The following FANCA variants were observed in gnomAD, a reference collection of about 807,000 sequenced individuals.
FANCA encodes the protein Fanconi anemia group A protein.
In FANCA, 236 loss-of-function variants were observed where a neutral mutation model predicts 194.3. The observed-to-expected ratio is 1.21, with a 90% CI of 1.09 to 1.35. The LOEUF (loss-of-function observed/expected upper bound fraction) is 1.35, where lower values mean the gene tolerates loss of function less well. Among genes scored for constraint, FANCA ranks in the 40% most tolerant of loss-of-function variants. The pLI is 0.00. For synonymous variants in FANCA, 1,014 were observed against 715.8 expected (o/e 1.42, Z -6.65); for missense variants, 2,628 against 1,813.9 (o/e 1.45, Z -8.15).
At chr16:89,789,308 G>A (rs997668060) in intron 14 of FANCA, among the ~76,000 whole-genome samples, 2 of 103,866 alleles carry the variant, frequency 1.9e-5, no homozygotes, top group South Asian at 3.2e-4. Context: ...AGAAGGCCTG[G>A]GGGGGGAGCA....
intron 24 of FANCA, 69 bp from the exon 25 acceptor site, chr16:89,770,328 C>G (rs1170403625): frequency 1.8e-5 from 24 of 1,367,794 alleles, no homozygotes; most frequent in Non-Finnish European, 2.2e-5. Flanking sequence ...ACAGCTAATC[C>G]AACCACCAGC....
rs138144828 is a variant in FANCA at position 89,740,822 on chromosome 16, C to T, written c.3810G>A (p.Ser1270=). 1.1e-4 allele frequency: 171 copies of T among 1,613,334 alleles called. 1 individual carries two copies. The highest frequency in any genetic ancestry group is 4.9e-4 in the Middle Eastern group (3 of 6,084). ...GACTTACATTTGAGGTCAGATGTGACGACAGCAGGCCCATCAAGGAGAAGA... is the reference window on the plus strand; with the variant it reads ...GACTTACATTTGAGGTCAGATGTGATGACAGCAGGCCCATCAAGGAGAAGA... The part of the protein sequence containing the change: ...LFFFSLMGLL[S]SHLTSNSTTD... The change falls in exon 38 of 43, where the codon TCG becomes TCA. Residue 1270 remains serine, a synonymous_variant. Transcript: ENST00000389301.
At chr16:89,795,601 G>A (rs1357370345) in intron 11 of FANCA, among the ~76,000 whole-genome samples, 1 of 152,192 alleles carries the variant, frequency 6.6e-6, no homozygotes, top group Non-Finnish European at 1.5e-5. Context: ...TCACGCCACT[G>A]CACTCCAGCA....
chr16:89,740,412 G>A (rs542369003), intron 38 of FANCA: 27 of 470,768 alleles, frequency 5.7e-5, no homozygotes, highest in African/African-American at 1.6e-4. Context: ...GGCCGAGGTC[G>A]GCGGATCACT....
intron 31 of FANCA, among the ~76,000 whole-genome samples, chr16:89,750,458 G>T (rs1437406063): frequency 2.1e-5 from 3 of 145,714 alleles, no homozygotes; most frequent in Non-Finnish European, 4.5e-5. Flanking sequence ...ACTTCAGACT[G>T]GGCAACAGAG....
Position 89,773,381 on chromosome 16 carries a change from G to A in FANCA, c.1904C>T (p.Ala635Val), listed in dbSNP as rs142217479. The A allele has an allele frequency of 6.1e-5, 95 of 1,548,994 alleles. No homozygotes were observed. In the African/African-American group the frequency reaches 1.2e-3, roughly 19 times the overall value. ...GGGTTCTGCCCTCACTCCCAGGGCT[G>A]CATCTGTGAGAAGAAGGAAGAAACC... ...CSAAEEKPED[A>V]ALGVRAEPNS... The change falls in exon 22 of 43, where the codon GCA becomes GTA. Residue 635 changes from alanine to valine, a missense_variant. Transcript: ENST00000389301.
In FANCA at chr16:89,765,107, G is replaced by A. The variant is rs577117354; in HGVS notation, c.2602-41C>T. On this transcript the variant is annotated intron_variant, in intron 27 of 42. Transcript: ENST00000389301. ...ACCCGGCCGTTTCTTCATTGCGCAA[G>A]TTTCACTGTGAGTGGCTGAGCAAAT... is the stretch of plus-strand genomic sequence containing the variant. 19 of 1,608,712 alleles carry A rather than the reference G, an allele frequency of 1.2e-5. No homozygotes were observed. In the South Asian group the frequency reaches 1.5e-4, roughly 13 times the overall value.
intron 15 of FANCA, 60 bp from the exon 16 acceptor site, chr16:89,783,162 A>T: frequency 7.7e-7 from 1 of 1,304,466 alleles, no homozygotes; most frequent in Non-Finnish European, 1.1e-6. Context: ...GACTCCAGGG[A>T]GGCCACAATT....
chr16:89,784,919 C>A lies in FANCA; in HGVS notation c.1405G>T (p.Ala469Ser), dbSNP rs1236726652. ...TRGYHGCSKK[A>S]LVFLFTFLSE... ...AAGAACGTAAACAGGAAGACCAGGG[C>A]CTTCTTGCTGCAGCCATGGTAGCCT... The change falls in exon 15 of 43, where the codon GCC (alanine) becomes TCC (serine). Residue 469 changes from alanine to serine, a missense_variant. Transcript: ENST00000389301. 4 of 1,614,142 alleles carry A rather than the reference C, an allele frequency of 2.5e-6. No individual in the cohort carries two copies. The highest frequency in any genetic ancestry group is 2.5e-6 in the Non-Finnish European group (3 of 1,180,026).
chr16:89,784,901 T>A lies in FANCA; in HGVS notation c.1423A>T (p.Thr475Ser). 6.2e-7 allele frequency: 1 copy of A among 1,614,212 alleles called. No homozygotes were observed. The highest frequency in any genetic ancestry group is 8.5e-7 in the Non-Finnish European group (1 of 1,180,024). The change falls in exon 15 of 43, where the codon ACG becomes TCG. Residue 475 changes from threonine (T) to serine (S), a missense_variant. By Grantham distance (58) the Thr-to-Ser change is moderately conservative. Coordinates refer to ENST00000389301, the MANE Select transcript of FANCA (RefSeq NM_000135.4). ...CSKKALVFLF[T>S]FLSELVPFES... ...AAAGGCACGAGTTCTGACAAGAACG[T>A]AAACAGGAAGACCAGGGCCTTCTTG...
chr16:89,780,738 C>T (rs1771760870), intron 17 of FANCA, among the ~76,000 whole-genome samples: 1 of 151,758 alleles, frequency 6.6e-6, no homozygotes, highest in Non-Finnish European at 1.5e-5. Context: ...AGACCAGTCT[C>T]GGCCACACAG....
At chr16:89,776,159 CTTT>C (rs3069458) in intron 20 of FANCA, among the ~76,000 whole-genome samples, 12 of 93,268 alleles carry the variant, frequency 1.3e-4, no homozygotes, top group East Asian at 3.5e-4. Context: ...CTTTGTTTTT[CTTT>C]TTTTTTTTTT....
chr16:89,814,417 A>G (rs1270635448), intron 3 of FANCA, 103 bp downstream of exon 3: 11 of 869,398 alleles, frequency 1.3e-5, no homozygotes, highest in Non-Finnish European at 1.8e-5. Flanking sequence ...GTGGAAACCC[A>G]TCGCCTGAGA....
chr16:89,759,372 G>A (rs1378301174), intron 29 of FANCA, among the ~76,000 whole-genome samples: 1 of 143,432 alleles, frequency 7.0e-6, no homozygotes. Flanking sequence ...GTCACCTGAG[G>A]GCACCTGAGC....
chr16:89,738,202 T>G lies in FANCA; in HGVS notation c.*399A>C, dbSNP rs865830363. On this transcript the variant is annotated 3_prime_UTR_variant, in exon 43 of 43. Transcript: ENST00000389301. ...ACCACCACCTGGGCCACCGAGCCCC[T>G]CTGTGACCACAGAGGGCCAGGCGGT... 1.9e-6 allele frequency: 3 copies of G among 1,611,208 alleles called. No homozygotes were observed. Among genetic ancestry groups the G allele is most frequent in the African/African-American group, 1.3e-5 (1 of 74,922 alleles).
rs754991476 is a variant in FANCA, at chr16:89,752,146, TG to T, written c.3057del (p.Arg1020AspfsTer6). 1 of 1,613,928 alleles carries T rather than the reference TG, an allele frequency of 6.2e-7. No individual in the cohort carries two copies. Among genetic ancestry groups the T allele is most frequent in the Admixed American group, 1.7e-5 (1 of 60,016 alleles). On this transcript the variant is annotated frameshift_variant, in exon 31 of 43. Coordinates refer to ENST00000389301, the MANE Select transcript of FANCA (RefSeq NM_000135.4). LOFTEE classifies it high-confidence loss of function. ...GGRTGNEDII[S>X]RLQEMVADLE... Reference sequence around the variant, plus strand: ...GGCACCCTCAAACTCACCTGCAATCTGGAAATAATATCCTCATTTCCTGTGC... The same window carrying T: ...GGCACCCTCAAACTCACCTGCAATCTGAAATAATATCCTCATTTCCTGTGC...
At chr16:89,792,158 G>T (rs935064324) in intron 12 of FANCA, 90 bp from the exon 13 acceptor site, 3 of 1,479,920 alleles carry the variant, frequency 2.0e-6, no homozygotes, top group East Asian at 2.3e-5. Flanking sequence ...GGTGGCCACC[G>T]CAGCCCCCTC....
Position 89,771,780 on chromosome 16 carries a change from T to A in FANCA, c.2049A>T (p.Arg683Ser). 6.2e-7 allele frequency: 1 copy of A among 1,614,022 alleles called. No homozygotes were observed. Among genetic ancestry groups the A allele is most frequent in the Non-Finnish European group, 8.5e-7 (1 of 1,180,034 alleles). The change falls in exon 23 of 43, where the codon AGA becomes AGT. Residue 683 changes from arginine to serine, a missense_variant. Transcript: ENST00000389301. ...ISAQVAVISE[R>S]LRAVLGHNED... ...CATTGTGGCCCAGGACAGCCCTCAGTCTTTCAGAAATCACTGCCACCTGTG... is the reference window on the plus strand; with the variant it reads ...CATTGTGGCCCAGGACAGCCCTCAGACTTTCAGAAATCACTGCCACCTGTG...
intron 17 of FANCA, among the ~76,000 whole-genome samples, chr16:89,782,116 C>T (rs1243776757): frequency 6.6e-6 from 1 of 151,956 alleles, no homozygotes; most frequent in Non-Finnish European, 1.5e-5. Flanking sequence ...TGGCTCACAC[C>T]TATAATCCCA....
Sources: allele counts gnomAD v4.1 joint callset (sites outside exome capture counted in the v4.1 genomes callset), GRCh38; gene constraint gnomAD v4.1.1; transcripts MANE v1.5; gene names NCBI Gene and HGNC (gene_info 2026-07-23, HGNC 2026-07-21).